The following MAPK6 variants were observed in gnomAD, a reference collection of about 807,000 sequenced individuals.
MAPK6 encodes mitogen-activated protein kinase 6, also known as ERK-3.
A neutral mutation model predicts 59.3 loss-of-function variants in MAPK6; 19 were observed. That is an observed-to-expected ratio of 0.32 (90% CI 0.22 to 0.47). The LOEUF is 0.47. Among genes scored for constraint, MAPK6 ranks in the 20% least tolerant of loss-of-function variants. The probability of loss-of-function intolerance (pLI) is 1.00; values close to 1 mark genes in which losing one functional copy is unlikely to be tolerated. For synonymous variants in MAPK6, 316 were observed against 290.3 expected (o/e 1.09, Z -0.90); for missense variants, 724 against 847.9 (o/e 0.85, Z 1.81).
At chr15:51,973,717 A>C (rs1438328097) in intron 1 of MAPK6, among the ~76,000 whole-genome samples, 1 of 151,548 alleles carries the variant, frequency 6.6e-6, no homozygotes, top group Non-Finnish European at 1.5e-5. Context: ...CAATGGCGTG[A>C]TCTCAGCTCA....
chr15:52,023,032 G>T (rs1035585962), intron 1 of MAPK6, among the ~76,000 whole-genome samples: 1 of 150,882 alleles, frequency 6.6e-6, no homozygotes, highest in Non-Finnish European at 1.5e-5. Flanking sequence ...GCTTGAACCC[G>T]GGAGGCAGAG....
At chr15:52,043,188 T>C (rs1202790684) in intron 1 of MAPK6, among the ~76,000 whole-genome samples, 1 of 152,006 alleles carries the variant, frequency 6.6e-6, no homozygotes, top group East Asian at 1.9e-4. Flanking sequence ...GCAGGAAGAA[T>C]CAAGATGTGT....
chr15:52,038,089 TAGGG>T, intron 1 of MAPK6, among the ~76,000 whole-genome samples: 1 of 150,056 alleles, frequency 6.7e-6, no homozygotes, highest in East Asian at 1.9e-4. Flanking sequence ...AAATGTTAGA[TAGGG>T]AGGAATCCAC....
chr15:52,059,106 C>T (rs1206494605), intron 4 of MAPK6, among the ~76,000 whole-genome samples: 2 of 152,096 alleles, frequency 1.3e-5, no homozygotes, highest in Non-Finnish European at 2.9e-5. Context: ...CCTGTAAATG[C>T]CTGGATAAAA....
At chr15:52,054,749 C>CATACAT (rs1555399924) in intron 3 of MAPK6, among the ~76,000 whole-genome samples, 2,069 of 150,038 alleles carry the variant, frequency 0.014, 57 homozygotes, top group African/African-American at 0.049. Flanking sequence ...CACACACACA[C>CATACAT]ATATACACAT....
chr15:52,059,985 A>G (rs2032136423), intron 4 of MAPK6, among the ~76,000 whole-genome samples: 1 of 152,234 alleles, frequency 6.6e-6, no homozygotes. Flanking sequence ...AGGATTAAGT[A>G]CATCTGAGTG....
At chr15:52,016,340 G>GA (rs926846447), upstream of MAPK6, among the ~76,000 whole-genome samples, 70 of 151,378 alleles carry the variant, frequency 4.6e-4, no homozygotes, top group African/African-American at 1.6e-3. Flanking sequence ...AGTGAGCCTA[G>GA]ATCGTGCCAC....
chr15:52,004,427 A>G (rs1166666601), intron 3 of MAPK6: 1 of 152,164 alleles, frequency 6.6e-6, no homozygotes, highest in East Asian at 1.9e-4. Context: ...TTATTATTAT[A>G]GCGGTTGTTG....
At chr15:51,972,034 T>TG (rs1334660799) in intron 1 of MAPK6, among the ~76,000 whole-genome samples, 1 of 152,016 alleles carries the variant, frequency 6.6e-6, no homozygotes, top group Non-Finnish European at 1.5e-5. Flanking sequence ...TGGCGCTCTC[T>TG]GGGGAAGGGC....
intron 3 of MAPK6, among the ~76,000 whole-genome samples, chr15:52,051,385 C>G (rs1402790420): frequency 6.6e-6 from 1 of 151,782 alleles, no homozygotes; most frequent in Non-Finnish European, 1.5e-5. Flanking sequence ...AGTGGTTCCC[C>G]CCAACCCCCA....
At chr15:52,062,490 C>T (rs751544111) in intron 5 of MAPK6, among the ~76,000 whole-genome samples, 7 of 151,992 alleles carry the variant, frequency 4.6e-5, no homozygotes, top group African/African-American at 9.7e-5. Context: ...TTTGGCTGGG[C>T]GCGGTGGCTC....
Position 52,000,766 on chromosome 15 carries a change from C to T in MAPK6, c.-769-3499C>T, listed in dbSNP as rs1206533040. On this transcript the variant is annotated intron_variant, in intron 2 of 7. Coordinates refer to the MAPK6 transcript ENST00000691380. ...AGTGAGCCGAGATCACGCCACTGCACTCCAGCTTGGGCGACAGAGAGAGAC... is the reference window on the plus strand; with the variant it reads ...AGTGAGCCGAGATCACGCCACTGCATTCCAGCTTGGGCGACAGAGAGAGAC... 2.0e-5 allele frequency among the ~76,000 whole-genome samples: 3 copies of T among 151,730 alleles called. No homozygotes were observed. The East Asian group carries it at 5.8e-4, about 29-fold the overall frequency.
At chr15:52,050,541 C>T (rs184768853) in intron 3 of MAPK6, among the ~76,000 whole-genome samples, 61 of 152,264 alleles carry the variant, frequency 4.0e-4, no homozygotes, top group African/African-American at 1.4e-3. Flanking sequence ...AAGTTTGGTG[C>T]TATTTAGAAG....
chr15:52,016,290 G>A (rs1262160916), upstream of MAPK6, among the ~76,000 whole-genome samples: 2 of 151,124 alleles, frequency 1.3e-5, no homozygotes, highest in African/African-American at 2.4e-5. Flanking sequence ...TCAGGAGGCT[G>A]ACACAGGAGA....
chr15:52,027,081 C>A (rs1045137428), intron 1 of MAPK6, among the ~76,000 whole-genome samples: 2 of 151,092 alleles, frequency 1.3e-5, no homozygotes, highest in Non-Finnish European at 2.9e-5. Flanking sequence ...CAGCCGGGCG[C>A]GGTGGCTAAT....
At position 52,061,380 on chromosome 15, in the gene MAPK6, T is replaced by C. The variant is rs1596013809; in HGVS notation, c.947T>C (p.Met316Thr). 6.2e-7 allele frequency: 1 copy of C among 1,614,040 alleles called. No homozygotes were observed. The highest frequency in any genetic ancestry group is 8.5e-7 in the Non-Finnish European group (1 of 1,179,886). The change falls in exon 5 of 6, where the codon ATG becomes ACG. Residue 316 changes from methionine (M) to threonine (T), a missense_variant. Physicochemically the swap from Met to Thr is moderately conservative, Grantham distance 81. Coordinates refer to ENST00000261845, the MANE Select transcript of MAPK6 (RefSeq NM_002748.4). Reference protein sequence around the residue: ...TAEEALSHPYMSIYSFPMDEP... With the variant: ...TAEEALSHPYTSIYSFPMDEP... ...GAAGAAGCACTCTCCCATCCTTACATGAGCATATATTCTTTTCCAATGGAT... is the reference window on the plus strand; with the variant it reads ...GAAGAAGCACTCTCCCATCCTTACACGAGCATATATTCTTTTCCAATGGAT...
intron 3 of MAPK6, among the ~76,000 whole-genome samples, chr15:52,052,734 T>C (rs1024212473): frequency 1.3e-5 from 2 of 152,348 alleles, no homozygotes; most frequent in Non-Finnish European, 2.9e-5. Flanking sequence ...TTTTTTCCTT[T>C]TTACGGGCAA....
chr15:51,992,291 C>CTATCTATCTA (rs201111358), intron 2 of MAPK6, among the ~76,000 whole-genome samples: 5 of 108,380 alleles, frequency 4.6e-5, no homozygotes, highest in African/African-American at 1.5e-4. Context: ...ATCTATCTAT[C>CTATCTATCTA]TATATATATA....
intron 1 of MAPK6, among the ~76,000 whole-genome samples, chr15:52,025,728 C>T (rs1325975448): frequency 6.6e-6 from 1 of 151,936 alleles, no homozygotes; most frequent in Admixed American, 6.6e-5. Context: ...ACCCAGGAGG[C>T]GGAGCTTGCA....
Sources: allele counts gnomAD v4.1 joint callset (sites outside exome capture counted in the v4.1 genomes callset), GRCh38; gene constraint gnomAD v4.1.1; transcripts MANE v1.5; gene names NCBI Gene and HGNC (gene_info 2026-07-23, HGNC 2026-07-21).